Variants in CNTNAP2 observed in about 807,000 individuals in gnomAD.
CNTNAP2 encodes contactin-associated protein-like 2.
CNTNAP2 carries 98 observed loss-of-function variants against 155.2 expected under a neutral mutation model. The ratio of observed to expected loss-of-function variants is 0.63; its 90% confidence interval spans 0.54 to 0.75. The LOEUF (loss-of-function observed/expected upper bound fraction) is 0.75, where lower values mean the gene tolerates loss of function less well. Among genes scored for constraint, CNTNAP2 ranks in the 30% least tolerant of loss-of-function variants. The probability of loss-of-function intolerance (pLI) is 0.00; values close to 1 mark genes in which losing one functional copy is unlikely to be tolerated. For synonymous variants in CNTNAP2, 651 were observed against 631.2 expected (o/e 1.03, Z -0.47); for missense variants, 1,727 against 1,688.1 (o/e 1.02, Z -0.40).
chr7:147,207,499 T>A (rs1024387365), intron 8 of CNTNAP2, among the ~76,000 whole-genome samples: 19 of 152,148 alleles, frequency 1.2e-4, no homozygotes, highest in Non-Finnish European at 8.8e-5. Flanking sequence ...TAATATAGCA[T>A]CATTCTATTC....
chr7:147,344,479 C>T (rs549481678), intron 9 of CNTNAP2, among the ~76,000 whole-genome samples: 1 of 152,044 alleles, frequency 6.6e-6, no homozygotes, highest in Non-Finnish European at 1.5e-5. Context: ...CATAATTTTT[C>T]TCTGGGCTAT....
At chr7:147,103,177 CTG>C (rs2129278231) in intron 4 of CNTNAP2, among the ~76,000 whole-genome samples, 1 of 152,216 alleles carries the variant, frequency 6.6e-6, no homozygotes, top group South Asian at 2.1e-4. Context: ...TTTTCAGGCA[CTG>C]TTTTAAGTGC....
chr7:147,968,571 T>C (rs906356764), intron 14 of CNTNAP2, among the ~76,000 whole-genome samples: 1 of 152,158 alleles, frequency 6.6e-6, no homozygotes, highest in Non-Finnish European at 1.5e-5. Flanking sequence ...CTGCCGCTTA[T>C]TTGCCTTTCT....
chr7:146,680,342 A>C (rs1800480535), intron 1 of CNTNAP2, among the ~76,000 whole-genome samples: 1 of 152,228 alleles, frequency 6.6e-6, no homozygotes, highest in Admixed American at 6.5e-5. Flanking sequence ...AACAAAAGCT[A>C]AAAGCTGAAT....
At chr7:148,347,113 C>T (rs916730137) in intron 21 of CNTNAP2, among the ~76,000 whole-genome samples, 9 of 151,964 alleles carry the variant, frequency 5.9e-5, no homozygotes, top group African/African-American at 1.9e-4. Flanking sequence ...AAAAATTAGC[C>T]AGGCATGGTG....
chr7:147,308,013 A>T (rs527344847), intron 9 of CNTNAP2, among the ~76,000 whole-genome samples: 2 of 152,324 alleles, frequency 1.3e-5, no homozygotes, highest in East Asian at 1.9e-4. Context: ...TTTGGGGGAA[A>T]ATTAATCAGG....
At chr7:147,334,233 A>T (rs1170913865) in intron 9 of CNTNAP2, among the ~76,000 whole-genome samples, 1 of 152,138 alleles carries the variant, frequency 6.6e-6, no homozygotes, top group East Asian at 1.9e-4. Flanking sequence ...TTCCTCTTCA[A>T]CTTTTAATGG....
chr7:146,989,909 A>G (rs769288813), intron 3 of CNTNAP2, among the ~76,000 whole-genome samples: 14 of 124,248 alleles, frequency 1.1e-4, no homozygotes, highest in Non-Finnish European at 2.3e-4. Flanking sequence ...TTGCTTTGTT[A>G]GTGCCATTGA....
At chr7:148,206,605 T>G (rs1039600446) in intron 18 of CNTNAP2, among the ~76,000 whole-genome samples, 1 of 152,236 alleles carries the variant, frequency 6.6e-6, no homozygotes, top group Non-Finnish European at 1.5e-5. Flanking sequence ...ATCCTCCCGC[T>G]GTCGTTCCTG....
chr7:148,127,954 C>T (rs1351340500), intron 16 of CNTNAP2, among the ~76,000 whole-genome samples: 1 of 152,170 alleles, frequency 6.6e-6, no homozygotes, highest in African/African-American at 2.4e-5. Flanking sequence ...ACCATAACCT[C>T]CACCTTCTAG....
At chr7:147,894,482 A>T (rs1799744324) in intron 13 of CNTNAP2, among the ~76,000 whole-genome samples, 2 of 152,174 alleles carry the variant, frequency 1.3e-5, no homozygotes. Flanking sequence ...TGGGAACAAT[A>T]GTGAAAAGCG....
intron 13 of CNTNAP2, among the ~76,000 whole-genome samples, chr7:147,728,032 A>T (rs76882259): frequency 6.6e-6 from 1 of 151,972 alleles, no homozygotes; most frequent in African/African-American, 2.4e-5. Flanking sequence ...TCTTGTGTAA[A>T]GCATCAGATT....
rs768222131 is a variant in CNTNAP2, at chr7:147,229,847, G to A, written c.1349-70294G>A. On this transcript the variant is annotated intron_variant, in intron 8 of 23. Coordinates refer to ENST00000361727, the MANE Select transcript of CNTNAP2 (RefSeq NM_014141.6). Reference sequence around the variant, plus strand: ...AAATAAATGCTATTCAGATTTGAAAGAAAATAACGGGACATCTAATCCATG... The same window carrying A: ...AAATAAATGCTATTCAGATTTGAAAAAAAATAACGGGACATCTAATCCATG... Among the ~76,000 whole-genome samples, 31 of 152,092 alleles carry A rather than the reference G, an allele frequency of 2.0e-4. 1 individual carries two copies. The highest frequency in any genetic ancestry group is 7.9e-4 in the Admixed American group (12 of 15,274).
At chr7:147,194,470 T>A (rs1802743662) in intron 8 of CNTNAP2, among the ~76,000 whole-genome samples, 1 of 152,172 alleles carries the variant, frequency 6.6e-6, no homozygotes, top group South Asian at 2.1e-4. Context: ...CTGGATCAAA[T>A]GGTATTTCTG....
intron 1 of CNTNAP2, among the ~76,000 whole-genome samples, chr7:146,667,220 C>T (rs1297182876): frequency 6.6e-6 from 1 of 151,960 alleles, no homozygotes; most frequent in Non-Finnish European, 1.5e-5. Context: ...TATCCCAGTA[C>T]CATTTATTGA....
intron 1 of CNTNAP2, among the ~76,000 whole-genome samples, chr7:146,560,661 G>A (rs1309126091): frequency 6.6e-6 from 1 of 152,138 alleles, no homozygotes; most frequent in Non-Finnish European, 1.5e-5. Flanking sequence ...CAAGTGAGTA[G>A]AGTGAGAATA....
chr7:146,763,080 G>A (rs1450569719), intron 1 of CNTNAP2, among the ~76,000 whole-genome samples: 3 of 151,936 alleles, frequency 2.0e-5, no homozygotes, highest in East Asian at 3.9e-4. Context: ...AAACCATATC[G>A]ATCCCCTACA....
intron 3 of CNTNAP2, among the ~76,000 whole-genome samples, chr7:146,890,993 C>T (rs1185187054): frequency 6.6e-6 from 1 of 152,100 alleles, no homozygotes; most frequent in South Asian, 2.1e-4. Flanking sequence ...AACCCAGGTG[C>T]CCATCAATGG....
intron 1 of CNTNAP2, among the ~76,000 whole-genome samples, chr7:146,241,296 G>C (rs1217898273): frequency 6.6e-6 from 1 of 152,154 alleles, no homozygotes; most frequent in Admixed American, 6.5e-5. Flanking sequence ...AATGAGGTGT[G>C]TCTAAAGAAA....
Sources: gnomAD v4.1 joint callset for allele counts (sites outside exome capture counted in the v4.1 genomes callset) on GRCh38, gnomAD v4.1.1 for gene constraint, MANE v1.5 for transcripts, NCBI Gene and HGNC (gene_info 2026-07-23, HGNC 2026-07-21) for gene names.